Variants in NBEA observed in about 807,000 individuals in gnomAD.
NBEA encodes lysosomal-trafficking regulator 2.
Under a neutral mutation model 343.4 loss-of-function variants are expected in NBEA, and 44 were observed. That is an observed-to-expected ratio of 0.13 (90% CI 0.10 to 0.16). The LOEUF (loss-of-function observed/expected upper bound fraction) is 0.16, where lower values mean the gene tolerates loss of function less well. Among genes scored for constraint, NBEA ranks in the 10% least tolerant of loss-of-function variants. The pLI, the probability that NBEA is intolerant of heterozygous loss-of-function variation, is 1.00. For missense variants in NBEA, 2,555 were observed against 3,631.3 expected (o/e 0.70, Z 7.62); for synonymous variants, 1,175 against 1,238.7 (o/e 0.95, Z 1.08).
intron 55 of NBEA, among the ~76,000 whole-genome samples, chr13:35,662,357 C>G (rs2085136874): frequency 6.6e-6 from 1 of 152,188 alleles, no homozygotes; most frequent in African/African-American, 2.4e-5. Context: ...GAGGGGCGGT[C>G]CACCTGCACC....
chr13:35,363,470 A>T (rs191138686), intron 38 of NBEA, among the ~76,000 whole-genome samples: 77 of 151,962 alleles, frequency 5.1e-4, no homozygotes, highest in African/African-American at 1.8e-3. Context: ...GGAATTAACT[A>T]CTTGAACCCT....
At chr13:35,386,174 A>C (rs1039858343) in intron 38 of NBEA, among the ~76,000 whole-genome samples, 3 of 152,114 alleles carry the variant, frequency 2.0e-5, no homozygotes, top group African/African-American at 7.2e-5. Context: ...ATAACTGTTT[A>C]TTTTCTCTAG....
At chr13:35,323,127 C>T (rs546158500) in intron 36 of NBEA, among the ~76,000 whole-genome samples, 12 of 151,982 alleles carry the variant, frequency 7.9e-5, no homozygotes, top group South Asian at 4.2e-4. Flanking sequence ...TGGGATTACA[C>T]GCATAAGCCA....
chr13:35,446,028 C>G (rs2046015868), intron 39 of NBEA, among the ~76,000 whole-genome samples: 1 of 150,822 alleles, frequency 6.6e-6, no homozygotes, highest in Non-Finnish European at 1.5e-5. Flanking sequence ...CAAGTGTTCT[C>G]ATTGTTCAAT....
intron 52 of NBEA, among the ~76,000 whole-genome samples, chr13:35,650,844 T>G (rs1029832823): frequency 7.9e-5 from 12 of 152,098 alleles, no homozygotes; most frequent in African/African-American, 2.9e-4. Context: ...GTCTCCAGAG[T>G]TGAATAGCTG....
At chr13:35,622,471 G>A (rs1375428681) in intron 48 of NBEA, among the ~76,000 whole-genome samples, 1 of 152,162 alleles carries the variant, frequency 6.6e-6, no homozygotes, top group Non-Finnish European at 1.5e-5. Context: ...GGAGAGCTGT[G>A]AGGGTTAGAA....
chr13:35,501,000 C>T (rs187499860), intron 41 of NBEA, among the ~76,000 whole-genome samples: 8 of 152,200 alleles, frequency 5.3e-5, no homozygotes, highest in Admixed American at 5.2e-4. Flanking sequence ...TTCTGCTAAT[C>T]AGCAGTTCCA....
intron 34 of NBEA, among the ~76,000 whole-genome samples, chr13:35,239,338 A>G (rs2075380565): frequency 6.6e-6 from 1 of 152,098 alleles, no homozygotes; most frequent in South Asian, 2.1e-4. Context: ...GCCATCAAAT[A>G]TAGATCTATT....
At chr13:35,165,094 G>C (rs747006130) in intron 24 of NBEA, 1 of 533,934 alleles carries the variant, frequency 1.9e-6, no homozygotes, top group Admixed American at 1.9e-5. Context: ...TATTACCCAC[G>C]TTCTTGTTGC....
intron 38 of NBEA, among the ~76,000 whole-genome samples, chr13:35,427,813 C>T (rs1289673453): frequency 1.3e-5 from 2 of 152,212 alleles, no homozygotes; most frequent in Non-Finnish European, 2.9e-5. Flanking sequence ...CTTTGTTTAC[C>T]TAATCAATTC....
intron 18 of NBEA, among the ~76,000 whole-genome samples, chr13:35,148,677 C>T (rs1192105144): frequency 1.3e-5 from 2 of 152,150 alleles, no homozygotes; most frequent in Non-Finnish European, 2.9e-5. Flanking sequence ...ATATAGTTTT[C>T]TTGTCCAGCT....
chr13:35,201,569 A>G (rs1478291553), intron 31 of NBEA, among the ~76,000 whole-genome samples: 1 of 152,042 alleles, frequency 6.6e-6, no homozygotes, highest in Admixed American at 6.6e-5. Context: ...TAATCTGGAA[A>G]TTAGGGGAAC....
At chr13:35,243,100 T>A (rs1461778386) in intron 34 of NBEA, among the ~76,000 whole-genome samples, 1 of 151,910 alleles carries the variant, frequency 6.6e-6, no homozygotes, top group Non-Finnish European at 1.5e-5. Context: ...GTAAGCAATA[T>A]ATAAAGATAT....
intron 38 of NBEA, among the ~76,000 whole-genome samples, chr13:35,412,982 G>A (rs926839094): frequency 1.3e-5 from 2 of 152,110 alleles, no homozygotes; most frequent in African/African-American, 4.8e-5. Flanking sequence ...GAGTAGATAT[G>A]TGTACAATAT....
At chr13:35,178,542 A>G (rs1012813986) in intron 28 of NBEA, among the ~76,000 whole-genome samples, 13 of 151,700 alleles carry the variant, frequency 8.6e-5, no homozygotes, top group Non-Finnish European at 1.5e-5. Flanking sequence ...AGTATTACAT[A>G]TGTATACTGA....
chr13:35,314,300 A>G (rs1299142760), intron 36 of NBEA, among the ~76,000 whole-genome samples: 3 of 152,200 alleles, frequency 2.0e-5, no homozygotes, highest in Admixed American at 1.3e-4. Flanking sequence ...GAGGCTTGCC[A>G]GGCAATTTGG....
chr13:35,613,552 T>A (rs1032163117), intron 48 of NBEA, among the ~76,000 whole-genome samples: 1 of 152,162 alleles, frequency 6.6e-6, no homozygotes, highest in Non-Finnish European at 1.5e-5. Flanking sequence ...TTCAGTTACT[T>A]TGGGTAAATA....
At chr13:35,285,086 A>C (rs1203738973) in intron 34 of NBEA, among the ~76,000 whole-genome samples, 1 of 152,154 alleles carries the variant, frequency 6.6e-6, no homozygotes, top group African/African-American at 2.4e-5. Flanking sequence ...TTGTTACTGA[A>C]ATGAAAGTAT....
chr13:35,452,490 T>C (rs993665656), intron 40 of NBEA, among the ~76,000 whole-genome samples: 1 of 152,202 alleles, frequency 6.6e-6, no homozygotes, highest in Non-Finnish European at 1.5e-5. Context: ...GAAGGAATAA[T>C]ACACAGTATC....
Sources: allele counts gnomAD v4.1 joint callset (sites outside exome capture counted in the v4.1 genomes callset), GRCh38; gene constraint gnomAD v4.1.1; transcripts MANE v1.5; gene names NCBI Gene and HGNC (gene_info 2026-07-23, HGNC 2026-07-21).